The following HPSE2 variants were observed in gnomAD, a reference collection of about 807,000 sequenced individuals.
The protein encoded by HPSE2 is heparanase 2 (inactive).
A neutral mutation model predicts 60.5 loss-of-function variants in HPSE2; 38 were observed. That is an observed-to-expected ratio of 0.63 (90% CI 0.48 to 0.82). HPSE2 has a LOEUF of 0.82. Among genes scored for constraint, HPSE2 ranks in the 40% least tolerant of loss-of-function variants. HPSE2 has a pLI of 0.00. For missense variants in HPSE2, 713 were observed against 740.4 expected (o/e 0.96, Z 0.43); for synonymous variants, 295 against 293.2 (o/e 1.01, Z -0.06).
chr10:99,016,015 T>C (rs1162423269), intron 3 of HPSE2, among the ~76,000 whole-genome samples: 1 of 152,204 alleles, frequency 6.6e-6, no homozygotes, highest in African/African-American at 2.4e-5. Context: ...ATAGTTTCTT[T>C]TGCTGTGCAG....
chr10:98,856,774 AT>A (rs912550641), intron 3 of HPSE2, among the ~76,000 whole-genome samples: 2 of 152,116 alleles, frequency 1.3e-5, no homozygotes, highest in African/African-American at 2.4e-5. Flanking sequence ...AGAAATAGAG[AT>A]TTTTTTCAAC....
intron 6 of HPSE2, among the ~76,000 whole-genome samples, chr10:98,655,577 T>G (rs1032353294): frequency 1.3e-5 from 2 of 152,210 alleles, no homozygotes; most frequent in Admixed American, 1.3e-4. Context: ...TGTCAGTTTG[T>G]TTAGCTTTTG....
At chr10:99,102,290 TA>T (rs1372375293) in intron 3 of HPSE2, among the ~76,000 whole-genome samples, 7 of 151,892 alleles carry the variant, frequency 4.6e-5, no homozygotes, top group Non-Finnish European at 1.5e-5. Context: ...TAAAAAATGA[TA>T]AAGGGGATAT....
At chr10:99,037,975 T>G (rs1287818381) in intron 3 of HPSE2, among the ~76,000 whole-genome samples, 1 of 152,000 alleles carries the variant, frequency 6.6e-6, no homozygotes, top group Non-Finnish European at 1.5e-5. Flanking sequence ...AAATGCAAAT[T>G]AAGACCATGA....
intron 3 of HPSE2, among the ~76,000 whole-genome samples, chr10:99,058,586 A>G (rs1958165659): frequency 6.6e-6 from 1 of 152,186 alleles, no homozygotes; most frequent in Non-Finnish European, 1.5e-5. Context: ...TCGTTTAGGT[A>G]TTGCCAAATG....
At chr10:98,850,075 T>C (rs1952132500) in intron 3 of HPSE2, among the ~76,000 whole-genome samples, 2 of 152,034 alleles carry the variant, frequency 1.3e-5, no homozygotes, top group South Asian at 4.1e-4. Context: ...AATAAGAAAA[T>C]CAAATTCAAA....
Position 99,144,257 on chromosome 10 carries a change from G to A in HPSE2, c.591C>T (p.Tyr197=). ...VLLKEQFSNT[Y]SNLILTARSL... ...CCTTACCTGTTAATATGAGATTACT[G>A]TAAGTATTGGAGAATTGCTCCTTTA... The change falls in exon 3 of 12, where the codon TAC becomes TAT. Residue 197 remains tyrosine, a synonymous_variant. Coordinates refer to ENST00000370552, the MANE Select transcript of HPSE2 (RefSeq NM_021828.5). 6.2e-7 allele frequency: 1 copy of A among 1,613,974 alleles called. No individual in the cohort carries two copies. The highest frequency in any genetic ancestry group is 1.1e-5 in the South Asian group (1 of 91,080).
chr10:98,817,932 T>C (rs1056595316), intron 3 of HPSE2, among the ~76,000 whole-genome samples: 7 of 152,202 alleles, frequency 4.6e-5, no homozygotes, highest in African/African-American at 1.7e-4. Flanking sequence ...ATTAATACAG[T>C]CATCTCTCAG....
At chr10:98,463,304 C>T (rs1405173355) in intron 11 of HPSE2, among the ~76,000 whole-genome samples, 1 of 152,190 alleles carries the variant, frequency 6.6e-6, no homozygotes, top group Non-Finnish European at 1.5e-5. Flanking sequence ...TCCCGCCAGT[C>T]CCCCCTCCAA....
chr10:99,015,132 C>G (rs529525438), intron 3 of HPSE2, among the ~76,000 whole-genome samples: 1 of 152,008 alleles, frequency 6.6e-6, no homozygotes, highest in African/African-American at 2.4e-5. Context: ...CATCTCACAC[C>G]AGTTAGAATG....
At chr10:99,057,260 G>A (rs1958135959) in intron 3 of HPSE2, among the ~76,000 whole-genome samples, 1 of 152,072 alleles carries the variant, frequency 6.6e-6, no homozygotes, top group Non-Finnish European at 1.5e-5. Flanking sequence ...ACCAATTTAT[G>A]TAATTTTGTA....
chr10:98,535,723 A>G (rs1054288095), intron 9 of HPSE2, among the ~76,000 whole-genome samples: 1 of 152,170 alleles, frequency 6.6e-6, no homozygotes, highest in African/African-American at 2.4e-5. Context: ...TGCCCTTAGT[A>G]GAGATATAAT....
chr10:98,461,598 G>A (rs1170433027), intron 11 of HPSE2, among the ~76,000 whole-genome samples: 1 of 152,150 alleles, frequency 6.6e-6, no homozygotes. Context: ...TTTTGTTTCA[G>A]GTGCTATGAA....
At chr10:98,924,886 G>T (rs1405441868) in intron 3 of HPSE2, among the ~76,000 whole-genome samples, 1 of 152,226 alleles carries the variant, frequency 6.6e-6, no homozygotes, top group African/African-American at 2.4e-5. Context: ...AGAAACTCAA[G>T]TTTGGACCAC....
At chr10:98,564,944 G>T (rs888517003) in intron 9 of HPSE2, among the ~76,000 whole-genome samples, 1 of 152,036 alleles carries the variant, frequency 6.6e-6, no homozygotes, top group Non-Finnish European at 1.5e-5. Flanking sequence ...GACAATTCTG[G>T]ACAAACTAGG....
chr10:98,624,205 A>G (rs1946147007), intron 7 of HPSE2, among the ~76,000 whole-genome samples: 1 of 152,212 alleles, frequency 6.6e-6, no homozygotes, highest in African/African-American at 2.4e-5. Context: ...AAATTTAGAT[A>G]ATAATAAGTG....
chr10:99,270,520 C>A, the HPSE2 span, among the ~76,000 whole-genome samples: 1 of 152,024 alleles, frequency 6.6e-6, no homozygotes, highest in Non-Finnish European at 1.5e-5. Context: ...AAAAAAAAGT[C>A]CAGGACCAGA....
At chr10:98,487,634 T>C (rs1941489717) in intron 10 of HPSE2, among the ~76,000 whole-genome samples, 1 of 152,262 alleles carries the variant, frequency 6.6e-6, no homozygotes, top group Non-Finnish European at 1.5e-5. Flanking sequence ...GTTGTTATTT[T>C]AATAGACACT....
At chr10:98,632,354 G>T (rs764822673) in intron 7 of HPSE2, among the ~76,000 whole-genome samples, 6 of 152,048 alleles carry the variant, frequency 3.9e-5, no homozygotes, top group Non-Finnish European at 8.8e-5. Context: ...AATGAAACTT[G>T]CCTACTGTTT....
Sources: gnomAD v4.1 joint callset for allele counts (sites outside exome capture counted in the v4.1 genomes callset) on GRCh38, gnomAD v4.1.1 for gene constraint, MANE v1.5 for transcripts, NCBI Gene and HGNC (gene_info 2026-07-23, HGNC 2026-07-21) for gene names.